Variants in FREM1 observed in about 807,000 individuals in gnomAD.
FREM1 encodes the protein FRAS1-related extracellular matrix protein 1.
In FREM1, 220 loss-of-function variants were observed where a neutral mutation model predicts 210.1. That is an observed-to-expected ratio of 1.05 (90% CI 0.94 to 1.17). The LOEUF (loss-of-function observed/expected upper bound fraction) is 1.17. Among genes scored for constraint, FREM1 ranks in the 50% most tolerant of loss-of-function variants. The pLI is 0.00. For missense variants in FREM1, 3,454 were observed against 2,675.5 expected, an observed-to-expected ratio of 1.29 and a Z score of -6.42; for synonymous variants, 1,189 against 980.2, an observed-to-expected ratio of 1.21 and a Z score of -3.98.
chr9:14,782,418 C>G (rs955856592), intron 24 of FREM1: 2 of 874,172 alleles, frequency 2.3e-6, no homozygotes, highest in Admixed American at 6.2e-5. Context: ...TGTTCTCCAG[C>G]AAGGTCACTG....
intron 1 of FREM1, among the ~76,000 whole-genome samples, chr9:14,898,758 C>T (rs538045346): frequency 2.0e-5 from 3 of 152,186 alleles, no homozygotes; most frequent in East Asian, 1.9e-4. Context: ...AAAAACAAAA[C>T]ATAGAATGTA....
chr9:14,857,440 C>T, intron 5 of FREM1, 113 bp downstream of exon 5: 4 of 920,006 alleles, frequency 4.3e-6, no homozygotes, highest in South Asian at 2.6e-5. Flanking sequence ...GGCAGTTTTA[C>T]CCCCAAAAGC....
intron 21 of FREM1, among the ~76,000 whole-genome samples, chr9:14,796,764 T>C (rs1238086359): frequency 6.6e-6 from 1 of 152,158 alleles, no homozygotes; most frequent in East Asian, 1.9e-4. Context: ...TGTGTTTGCT[T>C]CCTCTTCTGT....
At chr9:14,884,127 G>A (rs930869768) in intron 1 of FREM1, among the ~76,000 whole-genome samples, 1 of 152,188 alleles carries the variant, frequency 6.6e-6, no homozygotes, top group Non-Finnish European at 1.5e-5. Flanking sequence ...TACTTGGGAG[G>A]CTGAGGCAGG....
chr9:14,774,111 A>ATT, intron 25 of FREM1: 1 of 518,930 alleles, frequency 1.9e-6, no homozygotes, highest in South Asian at 1.4e-5. Flanking sequence ...GTGCATTATC[A>ATT]TTTCTTTGCA....
chr9:14,781,612 C>G (rs1275812109), intron 24 of FREM1, among the ~76,000 whole-genome samples: 2 of 152,212 alleles, frequency 1.3e-5, no homozygotes, highest in African/African-American at 4.8e-5. Flanking sequence ...CACCCACACA[C>G]ACTCACACAC....
intron 10 of FREM1, among the ~76,000 whole-genome samples, chr9:14,833,342 C>T (rs1468614301): frequency 2.6e-5 from 4 of 152,124 alleles, no homozygotes. Context: ...TGGGAAGCGG[C>T]TGTTATCATC....
chr9:14,910,897 T>C (rs1818582387), upstream of FREM1: 1 of 152,226 alleles, frequency 6.6e-6, no homozygotes, highest in South Asian at 2.1e-4. Flanking sequence ...GTTTTAACTT[T>C]TGTCATGGCA....
At chr9:14,756,587 T>C in intron 28 of FREM1, 141 bp from the exon 29 acceptor site, 1 of 574,660 alleles carries the variant, frequency 1.7e-6, no homozygotes, top group Non-Finnish European at 2.9e-6. Flanking sequence ...AAAAATTATA[T>C]AAGCCATTTG....
At chr9:14,758,878 T>A (rs1009982338) in intron 28 of FREM1, among the ~76,000 whole-genome samples, 3 of 152,198 alleles carry the variant, frequency 2.0e-5, no homozygotes, top group African/African-American at 7.2e-5. Flanking sequence ...AGTGGTTAAC[T>A]GAAAATTCTT....
chr9:14,757,392 CA>C (rs1475339646), intron 28 of FREM1, among the ~76,000 whole-genome samples: 1 of 151,954 alleles, frequency 6.6e-6, no homozygotes, highest in Non-Finnish European at 1.5e-5. Flanking sequence ...CCGTCTCTAC[CA>C]AAAACAAAAA....
chr9:14,797,606 C>T lies in FREM1; in HGVS notation c.3731G>A (p.Ser1244Asn). The change falls in exon 21 of 37, where the codon AGC (serine) becomes AAC (asparagine). Residue 1244 changes from serine (S) to asparagine (N), a missense_variant. Coordinates refer to ENST00000380880, the MANE Select transcript of FREM1 (RefSeq NM_001379081.2). ...RLTYMHDDSESLADDFTIQLS... is the reference protein window; with the variant it reads ...RLTYMHDDSENLADDFTIQLS... Reference sequence around the variant, plus strand: ...TTGGATTGTAAAATCATCAGCAAGGCTCTCTGAGTCATCATGCATGTACGT... The same window carrying T: ...TTGGATTGTAAAATCATCAGCAAGGTTCTCTGAGTCATCATGCATGTACGT... 1 of 1,612,018 alleles carries T rather than the reference C, an allele frequency of 6.2e-7. No homozygotes were observed. Among genetic ancestry groups the T allele is most frequent in the South Asian group, 1.1e-5 (1 of 90,810 alleles).
intron 21 of FREM1, among the ~76,000 whole-genome samples, chr9:14,795,805 G>C (rs2133159422): frequency 6.6e-6 from 1 of 152,248 alleles, no homozygotes; most frequent in Non-Finnish European, 1.5e-5. Flanking sequence ...ATATGTGAAA[G>C]AATCTAATAT....
At chr9:14,770,840 A>G in intron 25 of FREM1, 34 bp from the exon 26 acceptor site, 1 of 1,524,084 alleles carries the variant, frequency 6.6e-7, no homozygotes, top group Non-Finnish European at 9.0e-7. Flanking sequence ...AATGTTGTCC[A>G]AAGGCCCCTC....
At chr9:14,865,661 C>CTGTGTGTGTGTGTGTGTGTGTG (rs56960871) in intron 2 of FREM1, among the ~76,000 whole-genome samples, 2 of 144,516 alleles carry the variant, frequency 1.4e-5, no homozygotes, top group African/African-American at 5.2e-5. Context: ...AATGTTTAGG[C>CTGTGTGTGTGTGTGTGTGTGTG]TGTGTGTGTG....
chr9:14,904,673 A>C (rs1817383721), intron 1 of FREM1, among the ~76,000 whole-genome samples: 2 of 152,316 alleles, frequency 1.3e-5, no homozygotes, highest in East Asian at 3.9e-4. Flanking sequence ...CAATAATGGC[A>C]AGAGCTGAGG....
chr9:14,752,432 A>C (rs1843557099), intron 29 of FREM1, among the ~76,000 whole-genome samples: 1 of 152,212 alleles, frequency 6.6e-6, no homozygotes, highest in Non-Finnish European at 1.5e-5. Flanking sequence ...ATAAGGCTGC[A>C]AAGATTATTT....
intron 2 of FREM1, among the ~76,000 whole-genome samples, chr9:14,868,355 A>G (rs1011515796): frequency 8.0e-6 from 1 of 125,446 alleles, no homozygotes; most frequent in African/African-American, 3.9e-5. Flanking sequence ...GGTGAGATAT[A>G]CCAGAGTTAT....
In FREM1 at chr9:14,823,190, T is replaced by C; in HGVS notation, c.2307A>G (p.Thr769=). The C allele has an allele frequency of 6.2e-7, 1 of 1,613,860 alleles. No individual in the cohort carries two copies. Among genetic ancestry groups the C allele is most frequent in the Non-Finnish European group, 8.5e-7 (1 of 1,179,790 alleles). Reference sequence around the variant, plus strand: ...GAACTTGATTGTCCACTGGGAGGATTGTAATGTTAAAGCAGATCCCATGCA... The same window carrying C: ...GAACTTGATTGTCCACTGGGAGGATCGTAATGTTAAAGCAGATCCCATGCA... ...GTLHGICFNI[T]ILPVDNQVPE... The change falls in exon 13 of 37, where the codon ACA becomes ACG. Residue 769 remains threonine (T), a synonymous_variant. Coordinates refer to ENST00000380880, the MANE Select transcript of FREM1 (RefSeq NM_001379081.2).
Sources: allele counts gnomAD v4.1 joint callset (sites outside exome capture counted in the v4.1 genomes callset), GRCh38; gene constraint gnomAD v4.1.1; transcripts MANE v1.5; gene names NCBI Gene and HGNC (gene_info 2026-07-23, HGNC 2026-07-21).